Variants in TAS2R1 observed in about 807,000 individuals in gnomAD.
TAS2R1 encodes the protein taste 2 receptor member 1.
For missense variants in TAS2R1, 370 were observed against 353.4 expected, an observed-to-expected ratio of 1.05 and a Z score of -0.38; for synonymous variants, 141 against 134.2, an observed-to-expected ratio of 1.05 and a Z score of -0.35.
intron 2 of TAS2R1, among the ~76,000 whole-genome samples, chr5:9,652,711 A>G (rs541914120): frequency 7.2e-5 from 11 of 152,324 alleles, no homozygotes; most frequent in Non-Finnish European, 1.5e-4. Context: ...ATGGTTTTTC[A>G]GAATCTGTTG....
chr5:9,713,966 C>G (rs539123263), upstream of TAS2R1: 1 of 152,258 alleles, frequency 6.6e-6, no homozygotes, highest in Admixed American at 6.5e-5. Flanking sequence ...AGAGTAATAT[C>G]TTCATGTCAT....
At chr5:9,876,651 G>C in the TAS2R1 span, among the ~76,000 whole-genome samples, 2 of 152,180 alleles carry the variant, frequency 1.3e-5, no homozygotes, top group Non-Finnish European at 2.9e-5. Flanking sequence ...TTTTGCAGAA[G>C]TATCTTTTAT....
the TAS2R1 span, among the ~76,000 whole-genome samples, chr5:9,873,389 A>G: frequency 6.7e-6 from 1 of 148,630 alleles, no homozygotes; most frequent in African/African-American, 2.5e-5. Flanking sequence ...GAGCAGAAGA[A>G]ACCACTGGAA....
the TAS2R1 span, among the ~76,000 whole-genome samples, chr5:9,834,407 C>T: frequency 6.6e-6 from 1 of 152,170 alleles, no homozygotes; most frequent in African/African-American, 2.4e-5. Flanking sequence ...TAAATGTTCA[C>T]AATTGTGATT....
chr5:9,819,527 G>A, the TAS2R1 span, among the ~76,000 whole-genome samples: 2 of 152,188 alleles, frequency 1.3e-5, no homozygotes, highest in Non-Finnish European at 2.9e-5. Context: ...CTCAGGCATT[G>A]TGATCCAATA....
chr5:9,629,372 C>T lies in TAS2R1; in HGVS notation c.661G>A (p.Gly221Ser), dbSNP rs1208066826. 2 of 1,613,868 alleles carry T rather than the reference C, an allele frequency of 1.2e-6. No individual in the cohort carries two copies. The highest frequency in any genetic ancestry group is 4.5e-5 in the East Asian group (2 of 44,880). ...GACAGCAACGCGCTGATGGGTGCAC[C>T]CCTGCCAGGAACCCTGCTGCCGGCC... ...TVAGSRVPGR[G>S]APISALLSIL... is the part of the protein sequence containing the mutation. The change falls in exon 1 of 1, where the codon GGT becomes AGT. Residue 221 changes from glycine (G) to serine (S), a missense_variant. Coordinates refer to ENST00000382492, the MANE Select transcript of TAS2R1 (RefSeq NM_019599.3).
intron 1 of TAS2R1, among the ~76,000 whole-genome samples, chr5:9,695,810 G>C (rs1443218392): frequency 5.3e-5 from 8 of 152,166 alleles, no homozygotes; most frequent in Non-Finnish European, 2.9e-5. Flanking sequence ...GAGCCTGAGA[G>C]GCAGGAGAAG....
chr5:9,783,241 TCTCA>T, the TAS2R1 span, among the ~76,000 whole-genome samples: 1 of 152,198 alleles, frequency 6.6e-6, no homozygotes, highest in Non-Finnish European at 1.5e-5. Context: ...ACTTAAATCA[TCTCA>T]CTCAGGCATC....
upstream of TAS2R1, among the ~76,000 whole-genome samples, chr5:9,633,379 T>C (rs1739912728): frequency 1.3e-5 from 2 of 149,012 alleles, no homozygotes; most frequent in African/African-American, 2.5e-5. Context: ...TCCATATTTT[T>C]GTAATTGCAA....
chr5:9,640,403 A>G (rs911151131), intron 2 of TAS2R1, among the ~76,000 whole-genome samples: 1 of 150,804 alleles, frequency 6.6e-6, no homozygotes, highest in Non-Finnish European at 1.5e-5. Context: ...CGAATTACCA[A>G]GGTATGACAG....
At chr5:9,873,248 T>C in the TAS2R1 span, among the ~76,000 whole-genome samples, 1 of 152,094 alleles carries the variant, frequency 6.6e-6, no homozygotes, top group Admixed American at 6.5e-5. Context: ...CGGTAGGATA[T>C]TCTCCCTCTC....
the TAS2R1 span, among the ~76,000 whole-genome samples, chr5:9,849,979 T>C: frequency 6.6e-6 from 1 of 152,196 alleles, no homozygotes; most frequent in Non-Finnish European, 1.5e-5. Flanking sequence ...TTCCATCTCC[T>C]CTTTCATTTA....
the TAS2R1 span, among the ~76,000 whole-genome samples, chr5:9,764,355 G>C: frequency 1.3e-5 from 2 of 152,260 alleles, no homozygotes; most frequent in Non-Finnish European, 2.9e-5. Flanking sequence ...TTAAATGTTA[G>C]CACTTTTAAG....
At chr5:9,671,822 T>A (rs1430423415) in intron 1 of TAS2R1, among the ~76,000 whole-genome samples, 1 of 151,392 alleles carries the variant, frequency 6.6e-6, no homozygotes, top group Non-Finnish European at 1.5e-5. Context: ...AAAAAAGAGC[T>A]CCAATAGCCA....
At chr5:9,730,894 A>G in the TAS2R1 span, among the ~76,000 whole-genome samples, 178 of 152,168 alleles carry the variant, frequency 1.2e-3, no homozygotes, top group African/African-American at 4.1e-3. Flanking sequence ...CTTGGCTCTC[A>G]TTCTCTCTTG....
At chr5:9,768,563 C>T in the TAS2R1 span, among the ~76,000 whole-genome samples, 1 of 152,252 alleles carries the variant, frequency 6.6e-6, no homozygotes, top group African/African-American at 2.4e-5. Flanking sequence ...TGCATCTTTC[C>T]TCCTCCTTCG....
chr5:9,668,853 C>T (rs1282699314), intron 1 of TAS2R1, among the ~76,000 whole-genome samples: 2 of 151,728 alleles, frequency 1.3e-5, no homozygotes, highest in Admixed American at 6.6e-5. Flanking sequence ...AAAAACCACA[C>T]AATCAAGTCT....
the TAS2R1 span, among the ~76,000 whole-genome samples, chr5:9,775,960 G>A: frequency 6.6e-6 from 1 of 152,322 alleles, no homozygotes; most frequent in Admixed American, 6.5e-5. Flanking sequence ...GCCCCAGCTG[G>A]TGTCTCCCTA....
chr5:9,649,506 T>G (rs1181072725), intron 2 of TAS2R1, among the ~76,000 whole-genome samples: 1 of 152,196 alleles, frequency 6.6e-6, no homozygotes, highest in East Asian at 1.9e-4. Flanking sequence ...GAGCAATGGC[T>G]TTCCTACAAC....
Sources: allele counts gnomAD v4.1 joint callset (sites outside exome capture counted in the v4.1 genomes callset), GRCh38; gene constraint gnomAD v4.1.1; transcripts MANE v1.5; gene names NCBI Gene and HGNC (gene_info 2026-07-23, HGNC 2026-07-21).